Variants in FANK1 observed in about 807,000 individuals in gnomAD.
FANK1 encodes the protein fibronectin type 3 and ankyrin repeat domains protein 1.
Under a neutral mutation model 45.3 loss-of-function variants are expected in FANK1, and 44 were observed. That is an observed-to-expected ratio of 0.97 (90% CI 0.76 to 1.25). The LOEUF is 1.25. Ranked by LOEUF, FANK1 falls within the 50% of genes most tolerant of loss-of-function variation. The pLI is 0.00. For synonymous variants in FANK1, 149 were observed against 152.5 expected (o/e 0.98, Z 0.17); for missense variants, 391 against 424.4 (o/e 0.92, Z 0.69).
At chr10:125,948,420 A>G (rs1398082147) in intron 1 of FANK1, among the ~76,000 whole-genome samples, 3 of 152,328 alleles carry the variant, frequency 2.0e-5, no homozygotes, top group East Asian at 1.9e-4. Flanking sequence ...ATAAAAAATA[A>G]TAAAGGGGAT....
chr10:125,973,583 G>T, intron 1 of FANK1: 2 of 345,650 alleles, frequency 5.8e-6, no homozygotes, highest in Non-Finnish European at 8.2e-6. Flanking sequence ...AAAACCAAGA[G>T]GCCCATAAGG....
At chr10:125,946,713 A>G (rs1948828309) in intron 1 of FANK1, among the ~76,000 whole-genome samples, 1 of 144,124 alleles carries the variant, frequency 6.9e-6, no homozygotes, top group African/African-American at 2.6e-5. Context: ...AACTTCCCAA[A>G]TCTAGCAAGG....
At chr10:125,984,098 C>T (rs1951398854) in intron 2 of FANK1, among the ~76,000 whole-genome samples, 1 of 152,104 alleles carries the variant, frequency 6.6e-6, no homozygotes, top group African/African-American at 2.4e-5. Context: ...ATGTGGTAGC[C>T]AGCACAGGCC....
At chr10:125,949,390 C>T (rs956157195) in intron 1 of FANK1, among the ~76,000 whole-genome samples, 4 of 152,150 alleles carry the variant, frequency 2.6e-5, no homozygotes, top group African/African-American at 9.7e-5. Flanking sequence ...AGCCCAAAAT[C>T]TCCTTAAGCT....
chr10:125,935,928 C>CT (rs1305220658), intron 1 of FANK1, among the ~76,000 whole-genome samples: 2 of 152,090 alleles, frequency 1.3e-5, no homozygotes, highest in East Asian at 3.9e-4. Flanking sequence ...CATTTTTAAG[C>CT]TAATAAGGGC....
intron 7 of FANK1, among the ~76,000 whole-genome samples, chr10:126,007,593 G>A (rs1413379181): frequency 6.6e-6 from 1 of 152,196 alleles, no homozygotes; most frequent in East Asian, 1.9e-4. Flanking sequence ...TTTTACTAAA[G>A]CTATGGATCA....
At chr10:125,977,828 G>A (rs983581217) in intron 1 of FANK1, among the ~76,000 whole-genome samples, 2 of 152,166 alleles carry the variant, frequency 1.3e-5, no homozygotes, top group African/African-American at 4.8e-5. Context: ...TCCTTGGGTC[G>A]ACTGTAGCTT....
chr10:125,911,848 C>T lies in FANK1; in HGVS notation c.13+15193C>T, dbSNP rs142155065. On this transcript the variant is annotated intron_variant, in intron 1 of 10. Coordinates refer to ENST00000368693, the MANE Select transcript of FANK1 (RefSeq NM_145235.5). ...GTCCTTATTTCTGTTTTTTTCTCCA[C>T]TGCATACCTTTGTGTCCTTCCTGTT... 8.1e-4 allele frequency among the ~76,000 whole-genome samples: 123 copies of T among 152,282 alleles called. 1 individual carries two copies. The highest frequency in any genetic ancestry group is 2.9e-3 in the African/African-American group (122 of 41,554).
rs142591969 is a variant in FANK1 at position 125,984,325 on chromosome 10, A to G, written c.191+3987A>G. 2.6e-3 allele frequency among the ~76,000 whole-genome samples: 390 copies of G among 152,348 alleles called. 1 individual carries two copies. Among genetic ancestry groups the G allele is most frequent in the African/African-American group, 9.0e-3 (374 of 41,588 alleles). On this transcript the variant is annotated intron_variant, in intron 2 of 10. Transcript: ENST00000368693. Reference sequence around the variant, plus strand: ...ATGCTGTTTCTTGAAGCTTCTGCCCAGAATGACATACTTCACTTCTGTGTA... The same window carrying G: ...ATGCTGTTTCTTGAAGCTTCTGCCCGGAATGACATACTTCACTTCTGTGTA...
At chr10:125,923,830 C>T (rs545301589) in intron 1 of FANK1, among the ~76,000 whole-genome samples, 1 of 151,944 alleles carries the variant, frequency 6.6e-6, no homozygotes, top group African/African-American at 2.4e-5. Flanking sequence ...TCTTGGCCTG[C>T]AAGTTATGAC....
chr10:125,967,210 G>A (rs1466818234), intron 1 of FANK1, among the ~76,000 whole-genome samples: 4 of 152,134 alleles, frequency 2.6e-5, no homozygotes, highest in Non-Finnish European at 4.4e-5. Flanking sequence ...TAAACATAGG[G>A]CAGTAGTAGA....
chr10:125,968,963 C>T (rs960211485), intron 1 of FANK1, among the ~76,000 whole-genome samples: 4 of 152,116 alleles, frequency 2.6e-5, no homozygotes, highest in African/African-American at 4.8e-5. Flanking sequence ...TGACAAGTGG[C>T]ACCAGAGGCA....
At chr10:125,920,044 TAC>T (rs1946834671) in intron 1 of FANK1, among the ~76,000 whole-genome samples, 1 of 152,206 alleles carries the variant, frequency 6.6e-6, no homozygotes. Flanking sequence ...TGTCTAATAA[TAC>T]AGAGGTTGAA....
At chr10:125,986,430 T>G (rs1035964972) in intron 2 of FANK1, among the ~76,000 whole-genome samples, 3 of 152,224 alleles carry the variant, frequency 2.0e-5, no homozygotes, top group Non-Finnish European at 4.4e-5. Flanking sequence ...GTGAAGAAAG[T>G]CTTTGTAAAT....
intron 2 of FANK1, among the ~76,000 whole-genome samples, chr10:125,985,888 C>T (rs1415639039): frequency 2.6e-5 from 4 of 152,178 alleles, no homozygotes; most frequent in African/African-American, 9.7e-5. Flanking sequence ...TGGTCTGGAT[C>T]TTCCACTGAC....
At chr10:125,993,271 T>G (rs959081928) in intron 3 of FANK1, among the ~76,000 whole-genome samples, 1 of 152,176 alleles carries the variant, frequency 6.6e-6, no homozygotes, top group Non-Finnish European at 1.5e-5. Flanking sequence ...AAGTTTCAGA[T>G]TAGGAAAAAG....
At chr10:125,897,759 G>T (rs1434992942) in intron 1 of FANK1, among the ~76,000 whole-genome samples, 12 of 152,260 alleles carry the variant, frequency 7.9e-5, no homozygotes, top group Non-Finnish European at 1.8e-4. Context: ...CCTAGTAAAA[G>T]AAATTTAGCA....
intron 1 of FANK1, among the ~76,000 whole-genome samples, chr10:125,969,349 TAA>T (rs538124047): frequency 5.6e-5 from 8 of 141,872 alleles, no homozygotes; most frequent in Non-Finnish European, 6.2e-5. Context: ...TTATCAGACT[TAA>T]AAAAAAAAAA....
At chr10:125,919,345 A>G (rs1230032510) in intron 1 of FANK1, among the ~76,000 whole-genome samples, 4 of 151,704 alleles carry the variant, frequency 2.6e-5, no homozygotes, top group East Asian at 1.9e-4. Flanking sequence ...AGCTGGGATT[A>G]CAGGCACACA....
Sources: allele counts gnomAD v4.1 joint callset (sites outside exome capture counted in the v4.1 genomes callset), GRCh38; gene constraint gnomAD v4.1.1; transcripts MANE v1.5; gene names NCBI Gene and HGNC (gene_info 2026-07-23, HGNC 2026-07-21).